MMS19: variants seen among roughly 807,000 people sequenced by gnomAD.
MMS19 encodes the protein MMS19 cytosolic iron-sulfur assembly component.
Under a neutral mutation model 129.8 loss-of-function variants are expected in MMS19, and 77 were observed. That is an observed-to-expected ratio of 0.59 (90% CI 0.49 to 0.72). MMS19 has a LOEUF of 0.72. MMS19 is among the 30% of genes least tolerant of loss of function. MMS19 has a pLI of 0.00. For missense variants in MMS19, 1,168 were observed against 1,266.3 expected, an observed-to-expected ratio of 0.92 and a Z score of 1.18; for synonymous variants, 491 against 502.8, an observed-to-expected ratio of 0.98 and a Z score of 0.31.
intron 3 of MMS19, 22 bp downstream of exon 3, chr10:97,480,920 T>C (rs768925382): frequency 9.8e-5 from 150 of 1,529,476 alleles, no homozygotes; most frequent in Non-Finnish European, 1.3e-4. Context: ...CAGGAAGACA[T>C]TCCTATTAGT....
intron 14 of MMS19, 42 bp downstream of exon 14, chr10:97,467,463 G>C: frequency 6.7e-7 from 1 of 1,486,866 alleles, no homozygotes; most frequent in Non-Finnish European, 9.4e-7. Flanking sequence ...AGGCTGAAGT[G>C]TTCAACAGTC....
intron 2 of MMS19, among the ~76,000 whole-genome samples, chr10:97,482,476 G>A (rs1257751926): frequency 1.3e-5 from 2 of 152,078 alleles, no homozygotes; most frequent in Non-Finnish European, 2.9e-5. Flanking sequence ...TTCCAGAGTA[G>A]GCAAAGCCAT....
At chr10:97,484,237 C>T in intron 1 of MMS19, 86 bp from the exon 2 acceptor site, 1 of 925,308 alleles carries the variant, frequency 1.1e-6, no homozygotes. Flanking sequence ...TGTTTCCTGC[C>T]TGCCCTAGGC....
intron 8 of MMS19, among the ~76,000 whole-genome samples, chr10:97,471,486 T>C (rs1417284232): frequency 1.3e-5 from 2 of 152,128 alleles, no homozygotes; most frequent in African/African-American, 2.4e-5. Context: ...ACCAAAAACA[T>C]AGTAAAAGAA....
Position 97,477,837 on chromosome 10 carries a change from A to T in MMS19, c.423+18T>A. ...GGTAGAGACAGAGGAGAATACCAACATGACTGTTATCCCTCACCTGTACAT... is the reference window on the plus strand; with the variant it reads ...GGTAGAGACAGAGGAGAATACCAACTTGACTGTTATCCCTCACCTGTACAT... On this transcript the variant is annotated intron_variant, in intron 5 of 30. Transcript: ENST00000438925. The T allele has an allele frequency of 1.9e-6, 3 of 1,573,276 alleles. No homozygotes were observed. Among genetic ancestry groups the T allele is most frequent in the Non-Finnish European group, 2.6e-6 (3 of 1,159,108 alleles).
chr10:97,480,355 C>A (rs1475861575), intron 3 of MMS19: 1 of 448,796 alleles, frequency 2.2e-6, no homozygotes. Context: ...AAACTCTCTG[C>A]TCCTTAAAAC....
Position 97,476,953 on chromosome 10 carries a change from G to A in MMS19, c.504C>T (p.Ser168=). Residue 168 remains serine (S), a synonymous_variant, in exon 7 of 31, where the codon AGC becomes AGT. Transcript: ENST00000438925. ...AGCCAAAGGTGAAGTCAGCTCCTAG[G>A]CTCTTTAGCTCTGGGAAGGAGAGAA... ...FMRTREEELK[S]LGADFTFGFI... is the part of the protein sequence containing the mutation. 6.2e-7 allele frequency: 1 copy of A among 1,613,820 alleles called. No individual in the cohort carries two copies. The highest frequency in any genetic ancestry group is 1.1e-5 in the South Asian group (1 of 91,074).
At chr10:97,487,045 T>C (rs991145387) in intron 1 of MMS19, among the ~76,000 whole-genome samples, 5 of 151,370 alleles carry the variant, frequency 3.3e-5, no homozygotes, top group Non-Finnish European at 5.9e-5. Flanking sequence ...CACTTTTGAA[T>C]ATACTTGTAA....
chr10:97,472,437 A>C (rs1488418166), intron 8 of MMS19, among the ~76,000 whole-genome samples: 1 of 152,090 alleles, frequency 6.6e-6, no homozygotes, highest in Non-Finnish European at 1.5e-5. Flanking sequence ...ATGGGGTTTC[A>C]CCATGTTAGC....
chr10:97,466,481 A>C (rs776472008), intron 16 of MMS19, 23 bp downstream of exon 16: 3 of 1,570,956 alleles, frequency 1.9e-6, no homozygotes, highest in Non-Finnish European at 1.8e-6. Flanking sequence ...AGCTTGCTCT[A>C]TCTCATTGCT....
chr10:97,470,869 A>AG lies in MMS19; in HGVS notation c.685-9dup, dbSNP rs29001303. 1.2e-3 allele frequency: 1,962 copies of AG among 1,612,248 alleles called. 22 individuals carry two copies. The African/African-American group carries it at 0.023, about 19-fold the overall frequency. On this transcript the variant is annotated splice_polypyrimidine_tract_variant and intron_variant, in intron 8 of 30. Transcript: ENST00000438925. ...ATGGGGATCATTAGGTGGCTGGAAA[A>AG]GGGAGAAGGGCTGTGGGTTTGTGTA...
rs560597051 is a variant in MMS19 at position 97,470,996 on chromosome 10, A to G, written c.685-135T>C. On this transcript the variant is annotated intron_variant, in intron 8 of 30. Coordinates refer to ENST00000438925, the MANE Select transcript of MMS19 (RefSeq NM_022362.5). ...GAAGATAGTAAGATAATGAGGCCCC[A>G]GCAAGAAGACTTGCTTGATCTTAGG... is the stretch of plus-strand genomic sequence containing the variant. 7.8e-5 allele frequency: 42 copies of G among 541,256 alleles called. 1 individual carries two copies. The highest frequency in any genetic ancestry group is 1.0e-3 in the Middle Eastern group (2 of 1,960). The allele number at this position is 541,256 out of a possible 1,614,324, so 33.5% of individuals were successfully genotyped here.
Position 97,468,967 on chromosome 10 carries a change from C to T in MMS19, c.1062G>A (p.Gln354=). ...TCCTGGCTGCCACGGCCCCATTACCCTGTAGAATGTTGCTAAGGAAGGAGT... is the reference window on the plus strand; with the variant it reads ...TCCTGGCTGCCACGGCCCCATTACCTTGTAGAATGTTGCTAAGGAAGGAGT... ...LLDSFLSNIL[Q]DCRHHLCEPD... Residue 354 remains glutamine (Q), a splice_region_variant and synonymous_variant, in exon 12 of 31, where the codon CAG becomes CAA. Coordinates refer to ENST00000438925, the MANE Select transcript of MMS19 (RefSeq NM_022362.5). The T allele has an allele frequency of 1.3e-6, 2 of 1,587,530 alleles. No homozygotes were observed. The highest frequency in any genetic ancestry group is 1.7e-6 in the Non-Finnish European group (2 of 1,166,570).
intron 8 of MMS19, among the ~76,000 whole-genome samples, chr10:97,473,773 G>A (rs967024990): frequency 3.3e-5 from 5 of 152,098 alleles, no homozygotes; most frequent in Admixed American, 1.3e-4. Flanking sequence ...CTGTTCCTGT[G>A]TCTAAGGCTG....
chr10:97,460,132 T>C lies in MMS19; in HGVS notation c.2570A>G (p.His857Arg), dbSNP rs1251864078. 6.2e-7 allele frequency: 1 copy of C among 1,614,030 alleles called. No homozygotes were observed. Among genetic ancestry groups the C allele is most frequent in the Admixed American group, 1.7e-5 (1 of 60,032 alleles). Residue 857 changes from histidine to arginine, a missense_variant, in exon 26 of 31, where the codon CAT becomes CGT. By Grantham distance (29) the His-to-Arg change is conservative (BLOSUM62 0). Transcript: ENST00000438925. ...GCGGAACATGATCCGCACTTCGGCA[T>C]GGCCAGCACGAGTCAGCACATCAGT... The part of the protein sequence containing the change: ...DCTDVLTRAG[H>R]AEVRIMFRQR...
At chr10:97,492,842 G>C (rs182521321) in intron 1 of MMS19, among the ~76,000 whole-genome samples, 1 of 124,404 alleles carries the variant, frequency 8.0e-6, no homozygotes, top group Non-Finnish European at 1.6e-5. Flanking sequence ...CTGGGCAACA[G>C]AGCAAGACTT....
At chr10:97,496,598 C>A (rs1271478324) in intron 1 of MMS19, among the ~76,000 whole-genome samples, 3 of 150,700 alleles carry the variant, frequency 2.0e-5, no homozygotes, top group African/African-American at 7.3e-5. Flanking sequence ...GATGTCTTTT[C>A]AAAATATGTT....
chr10:97,480,610 C>A (rs765847906), intron 3 of MMS19, among the ~76,000 whole-genome samples: 1 of 152,110 alleles, frequency 6.6e-6, no homozygotes, highest in African/African-American at 2.4e-5. Flanking sequence ...GAGATGGAGT[C>A]CCGCTCTGTC....
Position 97,461,874 on chromosome 10 carries a change from C to A in MMS19, c.2138G>T (p.Arg713Leu). The A allele has an allele frequency of 6.2e-7, 1 of 1,607,456 alleles. No individual in the cohort carries two copies. The highest frequency in any genetic ancestry group is 8.5e-7 in the Non-Finnish European group (1 of 1,177,118). ...PFQDGSSGQR[R>L]LIALLMAFVC... ...AAAGGCCATAAGCAGTGCAATCAGC[C>A]GCCTCTGCCCTGAGGAGCCATCCTA... Residue 713 changes from arginine to leucine, a missense_variant, in exon 22 of 31, where the codon CGG (arginine) becomes CTG (leucine). Physicochemically the swap from Arg to Leu is moderately radical, Grantham distance 102. Coordinates refer to ENST00000438925, the MANE Select transcript of MMS19 (RefSeq NM_022362.5).
Sources: gnomAD v4.1 joint callset for allele counts (sites outside exome capture counted in the v4.1 genomes callset) on GRCh38, gnomAD v4.1.1 for gene constraint, MANE v1.5 for transcripts, NCBI Gene and HGNC (gene_info 2026-07-23, HGNC 2026-07-21) for gene names.